The following RAB2B variants were observed in gnomAD, a reference collection of about 807,000 sequenced individuals.
RAB2B encodes ras-related protein Rab-2B.
Under a neutral mutation model 29.8 loss-of-function variants are expected in RAB2B, and 20 were observed. The ratio of observed to expected loss-of-function variants is 0.67; its 90% CI spans 0.47 to 0.97. RAB2B has a LOEUF of 0.97. RAB2B is among the 50% of genes least tolerant of loss of function. The pLI is 0.00. For missense variants in RAB2B, 218 were observed against 272.0 expected (o/e 0.80, Z 1.40); for synonymous variants, 93 against 91.7 (o/e 1.01, Z -0.08).
intron 3 of RAB2B, among the ~76,000 whole-genome samples, chr14:21,473,142 A>G (rs901905024): frequency 2.0e-5 from 3 of 152,248 alleles, no homozygotes; most frequent in Non-Finnish European, 2.9e-5. Context: ...TTTAAGACAT[A>G]CACTTGCGTG....
chr14:21,467,182 C>T lies in RAB2B; in HGVS notation c.362+1175G>A, dbSNP rs947813598. The stretch of plus-strand genomic sequence containing the variant: ...TCGGCCTCCCAAAGTGCTAGGATTA[C>T]GGGCTTGAGCCACCACGCCTGGCAT... On this transcript the variant is annotated intron_variant, in intron 5 of 7. Transcript: ENST00000397762. Among the ~76,000 whole-genome samples the T allele has an allele frequency of 6.6e-5, 10 of 151,760 alleles. No homozygotes were observed. In the South Asian group the frequency reaches 1.5e-3, roughly 22 times the overall value.
Position 21,462,389 on chromosome 14 carries a change from A to T in RAB2B, c.504T>A (p.Tyr168Ter). ...CAAATAAACCCTGCTGGATCTTCCTATATATTTCTTTGGCTGTGTTAATGA... is the reference window on the plus strand; with the variant it reads ...CAAATAAACCCTGCTGGATCTTCCTTTATATTTCTTTGGCTGTGTTAATGA... ...EAFINTAKEI[Y>*]RKIQQGLFDV... Residue 168 changes from tyrosine to a stop codon, truncating the protein, a stop_gained, in exon 7 of 8, where the codon TAT (tyrosine) becomes TAA (stop). Coordinates refer to ENST00000397762, the MANE Select transcript of RAB2B (RefSeq NM_032846.4). LOFTEE classifies it high-confidence loss of function. 2 of 1,613,704 alleles carry T rather than the reference A, an allele frequency of 1.2e-6. No homozygotes were observed. Among genetic ancestry groups the T allele is most frequent in the Non-Finnish European group, 1.7e-6 (2 of 1,179,820 alleles).
At chr14:21,467,486 C>T (rs908929725) in intron 5 of RAB2B, among the ~76,000 whole-genome samples, 1 of 152,132 alleles carries the variant, frequency 6.6e-6, no homozygotes, top group African/African-American at 2.4e-5. Flanking sequence ...AAAAAATACT[C>T]ATGTTGTTTG....
rs373527848 is a variant in RAB2B, at chr14:21,468,658, G to A, written c.269+12C>T. 4 of 1,541,224 alleles carry A rather than the reference G, an allele frequency of 2.6e-6. No individual in the cohort carries two copies. In the African/African-American group the frequency reaches 5.6e-5, roughly 22 times the overall value. On this transcript the variant is annotated intron_variant, in intron 4 of 7. Transcript: ENST00000397762. ...GGAAGAATCTCCCTCCCATGCACCA[G>A]ATCTGGCTCACCTTGTAATGTCGTA...
intron 3 of RAB2B, among the ~76,000 whole-genome samples, chr14:21,470,652 C>T (rs958444004): frequency 2.6e-5 from 4 of 152,062 alleles, no homozygotes; most frequent in Non-Finnish European, 5.9e-5. Context: ...TAATGTCTTA[C>T]GTTATTTGGG....
chr14:21,475,414 G>A (rs1049866157), intron 2 of RAB2B, among the ~76,000 whole-genome samples: 2 of 147,206 alleles, frequency 1.4e-5, no homozygotes, highest in African/African-American at 2.5e-5. Flanking sequence ...TAAGAAATAG[G>A]TTCTCAGAAA....
intron 3 of RAB2B, among the ~76,000 whole-genome samples, chr14:21,470,906 T>C (rs1478654471): frequency 6.7e-6 from 1 of 149,598 alleles, no homozygotes; most frequent in African/African-American, 2.5e-5. Context: ...TCCCAGCACT[T>C]TGGGAGGCCA....
At chr14:21,461,728 G>A (rs535038613) in intron 7 of RAB2B, among the ~76,000 whole-genome samples, 2 of 152,186 alleles carry the variant, frequency 1.3e-5, no homozygotes, top group African/African-American at 2.4e-5. Flanking sequence ...CTATGGGTGC[G>A]CCACTGCACC....
rs772455981 is a variant in RAB2B, at chr14:21,476,555, AC to A, written c.90del (p.Phe31SerfsTer9). ...ATTGTGAGGTCGTGGACAGGCTGGA[AC>A]CGCTTATCTGTAAACTGCAGGAGGA... is the stretch of plus-strand genomic sequence containing the variant. Reference protein sequence around the residue: ...SCLLLQFTDKRFQPVHDLTIG... With the variant: ...SCLLLQFTDKXFQPVHDLTIG... On this transcript the variant is annotated frameshift_variant, in exon 2 of 8. Transcript: ENST00000397762. LOFTEE classifies it high-confidence loss of function. 1 of 1,613,718 alleles carries A rather than the reference AC, an allele frequency of 6.2e-7. No individual in the cohort carries two copies.
chr14:21,462,056 G>A (rs542669293), intron 7 of RAB2B, among the ~76,000 whole-genome samples: 203 of 152,160 alleles, frequency 1.3e-3, no homozygotes, highest in Non-Finnish European at 2.6e-3. Context: ...CCTCCCTTAC[G>A]TTCTAGAATA....
chr14:21,474,616 C>T, intron 3 of RAB2B: 4 of 437,388 alleles, frequency 9.1e-6, no homozygotes, highest in Non-Finnish European at 1.2e-5. Flanking sequence ...CATTTACTTT[C>T]TATTCTATAA....
chr14:21,474,792 G>A (rs538670744), intron 3 of RAB2B, 75 bp downstream of exon 3: 11 of 1,192,428 alleles, frequency 9.2e-6, no homozygotes, highest in South Asian at 2.4e-5. Context: ...CACCCTCATC[G>A]CCCCTTTCCT....
In RAB2B at chr14:21,474,972, C is replaced by G. The variant is rs377457422; in HGVS notation, c.119-38G>C. Reference sequence around the variant, plus strand: ...ACCGAGAGAAAGAATGTGATTCTCACGAACAGCAGCCACGTGGAGTGGGAG... The same window carrying G: ...ACCGAGAGAAAGAATGTGATTCTCAGGAACAGCAGCCACGTGGAGTGGGAG... On this transcript the variant is annotated intron_variant, in intron 2 of 7. Transcript: ENST00000397762. The G allele has an allele frequency of 2.2e-5, 35 of 1,570,864 alleles. No homozygotes were observed. The African/African-American group carries it at 2.6e-4, about 12-fold the overall frequency.
intron 5 of RAB2B, among the ~76,000 whole-genome samples, chr14:21,465,670 T>G (rs1321854427): frequency 1.3e-5 from 2 of 152,158 alleles, no homozygotes; most frequent in Non-Finnish European, 2.9e-5. Context: ...GTGTATTTAT[T>G]TATTATTATT....
intron 3 of RAB2B, among the ~76,000 whole-genome samples, chr14:21,469,181 C>T (rs1323402973): frequency 6.6e-6 from 1 of 151,976 alleles, no homozygotes; most frequent in Non-Finnish European, 1.5e-5. Context: ...TGATATTGAA[C>T]ACACCATATT....
intron 3 of RAB2B, chr14:21,474,633 ATT>A (rs1890903664): frequency 4.3e-6 from 2 of 462,330 alleles, no homozygotes; most frequent in Admixed American, 3.8e-5. Context: ...ATAAATTTAT[ATT>A]GTTTGATTTT....
intron 3 of RAB2B, among the ~76,000 whole-genome samples, chr14:21,472,497 C>G (rs1463579037): frequency 6.6e-6 from 1 of 152,018 alleles, no homozygotes; most frequent in Non-Finnish European, 1.5e-5. Flanking sequence ...GAGAAATGAC[C>G]AGACTTACCC....
At chr14:21,469,270 C>T (rs1890753156) in intron 3 of RAB2B, among the ~76,000 whole-genome samples, 1 of 152,110 alleles carries the variant, frequency 6.6e-6, no homozygotes, top group Non-Finnish European at 1.5e-5. Flanking sequence ...ATAGAAATTT[C>T]ATTCCAATGA....
intron 3 of RAB2B, among the ~76,000 whole-genome samples, chr14:21,474,200 G>A (rs1890891073): frequency 6.6e-6 from 1 of 152,022 alleles, no homozygotes; most frequent in South Asian, 2.1e-4. Context: ...TCAAAAAAAA[G>A]AATGCTCAGT....
Sources: allele counts gnomAD v4.1 joint callset (sites outside exome capture counted in the v4.1 genomes callset), GRCh38; gene constraint gnomAD v4.1.1; transcripts MANE v1.5; gene names NCBI Gene and HGNC (gene_info 2026-07-23, HGNC 2026-07-21).